DMD: variants seen among roughly 807,000 people sequenced by gnomAD.
The protein encoded by DMD is dystrophin, also known as mutant dystrophin.
Under a neutral mutation model 330.1 loss-of-function variants are expected in DMD, and 63 were observed. The ratio of observed to expected loss-of-function variants is 0.19; its 90% CI spans 0.16 to 0.24. DMD has a LOEUF of 0.24. Among genes scored for constraint, DMD ranks in the 10% least tolerant of loss-of-function variants. DMD has a pLI of 1.00. For missense variants in DMD, 3,344 were observed against 2,684.1 expected, an observed-to-expected ratio of 1.25 and a Z score of -5.43; for synonymous variants, 1,223 against 959.8, an observed-to-expected ratio of 1.27 and a Z score of -5.07.
chrX:31,181,475 G>A (rs2041149320), intron 68 of DMD, among the ~76,000 whole-genome samples: 1 of 111,441 alleles, frequency 9.0e-6, no homozygotes, highest in Admixed American at 9.6e-5. Context: ...AAGCCCACTA[G>A]CTAAGGAAGC....
rs937363197 is a variant in DMD at position 32,847,458 on chromosome X, A to G, written c.186+2270T>C. Among the ~76,000 whole-genome samples, 5 of 112,291 alleles carry G rather than the reference A, an allele frequency of 4.5e-5. No individual in the cohort carries two copies. In the Admixed American group the frequency reaches 4.7e-4, roughly 11 times the overall value. ...TGCAGATGCTTCTGAGTAGAATACT[A>G]AAATTTCTGTTCTATAGTATACATG... On this transcript the variant is annotated intron_variant, in intron 3 of 78. Transcript: ENST00000357033.
intron 67 of DMD, among the ~76,000 whole-genome samples, chrX:31,193,525 C>A (rs2042588327): frequency 9.0e-6 from 1 of 111,713 alleles, no homozygotes; most frequent in African/African-American, 3.3e-5. Context: ...CATTATGCAA[C>A]CACCAATATT....
intron 1 of DMD, among the ~76,000 whole-genome samples, chrX:33,096,828 T>G (rs2095173565): frequency 8.9e-6 from 1 of 112,621 alleles, no homozygotes; most frequent in Non-Finnish European, 1.9e-5. Flanking sequence ...TTTCTTTAGG[T>G]CAAAGGGAAA....
At chrX:31,712,571 C>T (rs1217021654) in intron 52 of DMD, among the ~76,000 whole-genome samples, 2 of 90,855 alleles carry the variant, frequency 2.2e-5, no homozygotes, top group Non-Finnish European at 4.4e-5. Flanking sequence ...GTAATATTTT[C>T]GTTCAGTGAT....
chrX:32,441,258 C>G lies in DMD; in HGVS notation c.3843G>C (p.Trp1281Cys). Residue 1281 changes from tryptophan to cysteine, a missense_variant, in exon 28 of 79, where the codon TGG (tryptophan) becomes TGC (cysteine). Physicochemically the swap from Trp to Cys is radical, Grantham distance 215. Coordinates refer to ENST00000357033, the MANE Select transcript of DMD (RefSeq NM_004006.3). ...TAAGTTTAAATTCTACTTCATTTAG[C>G]CACTTGTTTGCTTTCTCCAAGTATG... ...LLSYLEKANK[W>C]LNEVEFKLKT... 1 of 1,208,901 alleles carries G rather than the reference C, an allele frequency of 8.3e-7. No homozygotes were observed.
At chrX:32,022,825 CTTTTT>C (rs753993138) in intron 44 of DMD, among the ~76,000 whole-genome samples, 7 of 90,403 alleles carry the variant, frequency 7.7e-5, no homozygotes, top group African/African-American at 3.0e-4. Flanking sequence ...GTATAATCCT[CTTTTT>C]TTTTTTTTTT....
intron 44 of DMD, among the ~76,000 whole-genome samples, chrX:32,019,603 CT>C (rs1421626586): frequency 1.8e-5 from 2 of 110,448 alleles, no homozygotes; most frequent in East Asian, 5.6e-4. Flanking sequence ...TTATTCGTAT[CT>C]TTCTTACACA....
chrX:32,469,384 C>A lies in DMD; in HGVS notation c.2950-674G>T, dbSNP rs187941088. 8.3e-3 allele frequency among the ~76,000 whole-genome samples: 912 copies of A among 109,374 alleles called. 17 individuals carry two copies. Among genetic ancestry groups the A allele is most frequent in the African/African-American group, 0.028 (855 of 30,272 alleles). 95.0% of individuals were successfully genotyped at this position (109,374 alleles called of 115,157 possible). On this transcript the variant is annotated intron_variant, in intron 22 of 78. Coordinates refer to ENST00000357033, the MANE Select transcript of DMD (RefSeq NM_004006.3). ...CTCATGACAAAAATGGAAAAAAAAA[C>A]CAGAACTACTAGTACTTTATATAAA...
rs764321897 is a variant in DMD at position 31,852,266 on chromosome X, C to A, written c.7099-15447G>T. Among the ~76,000 whole-genome samples the A allele has an allele frequency of 3.6e-5, 4 of 111,838 alleles. No individual in the cohort carries two copies. The South Asian group carries it at 1.5e-3, about 42-fold the overall frequency. ...GCAGAGAACAGATGGCAGTTAAGAA[C>A]AGATTCTTAAGGGGGTACAATCTGC... On this transcript the variant is annotated intron_variant, in intron 48 of 78. Coordinates refer to ENST00000357033, the MANE Select transcript of DMD (RefSeq NM_004006.3).
intron 2 of DMD, among the ~76,000 whole-genome samples, chrX:33,014,213 CAG>C (rs1280872570): frequency 9.0e-6 from 1 of 111,463 alleles, no homozygotes; most frequent in Non-Finnish European, 1.9e-5. Context: ...ACTCCCTTTA[CAG>C]AGTTTCCAAA....
intron 30 of DMD, among the ~76,000 whole-genome samples, chrX:32,400,272 A>G (rs371983139): frequency 5.4e-5 from 6 of 111,594 alleles, no homozygotes; most frequent in African/African-American, 1.3e-4. Context: ...ATTGATTTGC[A>G]TATATTGAAC....
intron 1 of DMD, among the ~76,000 whole-genome samples, chrX:33,116,481 C>A (rs2095386300): frequency 9.0e-6 from 1 of 110,649 alleles, no homozygotes; most frequent in Non-Finnish European, 1.9e-5. Flanking sequence ...GCACTCCATC[C>A]TGGATGACAG....
At chrX:31,256,741 C>T (rs1234728941) in intron 63 of DMD, among the ~76,000 whole-genome samples, 5 of 97,953 alleles carry the variant, frequency 5.1e-5, no homozygotes, top group Admixed American at 1.1e-4. Flanking sequence ...ATATGTGGGG[C>T]GTGTGTGTGT....
chrX:33,307,984 A>T (rs2053789550), intron 1 of DMD, among the ~76,000 whole-genome samples: 1 of 112,120 alleles, frequency 8.9e-6, no homozygotes, highest in African/African-American at 3.2e-5. Context: ...TCTAAATTTC[A>T]TTGAGTACCA....
At chrX:33,029,858 T>C (rs2094074799) in intron 1 of DMD, among the ~76,000 whole-genome samples, 1 of 111,869 alleles carries the variant, frequency 8.9e-6, no homozygotes, top group African/African-American at 3.2e-5. Flanking sequence ...GTGGTCTCAG[T>C]TGGAAAAACA....
At chrX:31,206,100 T>C in intron 66 of DMD, among the ~76,000 whole-genome samples, 1 of 112,651 alleles carries the variant, frequency 8.9e-6, no homozygotes, top group Non-Finnish European at 1.9e-5. Flanking sequence ...TATCTGTCTC[T>C]CAAATAATAA....
chrX:32,309,043 A>G (rs2097551086), intron 42 of DMD, among the ~76,000 whole-genome samples: 2 of 111,295 alleles, frequency 1.8e-5, no homozygotes, highest in African/African-American at 3.3e-5. Context: ...ACAGTGCCAC[A>G]CTGACATGGA....
At chrX:32,258,625 G>C (rs1327642053) in intron 43 of DMD, among the ~76,000 whole-genome samples, 1 of 109,669 alleles carries the variant, frequency 9.1e-6, no homozygotes, top group Admixed American at 9.8e-5. Flanking sequence ...AGAACACATA[G>C]ACACAGGGCG....
At chrX:33,076,734 T>C (rs962871222) in intron 1 of DMD, among the ~76,000 whole-genome samples, 4 of 111,977 alleles carry the variant, frequency 3.6e-5, no homozygotes, top group Non-Finnish European at 7.5e-5. Flanking sequence ...AAAGCTTTAC[T>C]AGGTCAAAAC....
Sources: gnomAD v4.1 joint callset for allele counts (sites outside exome capture counted in the v4.1 genomes callset) on GRCh38, gnomAD v4.1.1 for gene constraint, MANE v1.5 for transcripts, NCBI Gene and HGNC (gene_info 2026-07-23, HGNC 2026-07-21) for gene names.